Variants in CNTNAP5 observed in about 807,000 individuals in gnomAD.
CNTNAP5 encodes contactin associated protein family member 5, also known as contactin-associated protein-like 5.
A neutral mutation model predicts 150.2 loss-of-function variants in CNTNAP5; 72 were observed. That is an observed-to-expected ratio of 0.48 (90% CI 0.40 to 0.58). The LOEUF (loss-of-function observed/expected upper bound fraction) is 0.58, where lower values mean the gene tolerates loss of function less well. Ranked by LOEUF, CNTNAP5 falls within the 20% of genes least tolerant of loss-of-function variation. CNTNAP5 has a pLI of 0.00. For synonymous variants in CNTNAP5, 672 were observed against 619.8 expected (o/e 1.08, Z -1.25); for missense variants, 1,636 against 1,626.2 (o/e 1.01, Z -0.10).
At chr2:124,859,090 G>C (rs1050523929) in intron 19 of CNTNAP5, among the ~76,000 whole-genome samples, 3 of 151,946 alleles carry the variant, frequency 2.0e-5, no homozygotes, top group Admixed American at 2.0e-4. Context: ...CTTCTGCACA[G>C]CAAAAGAAAC....
Position 124,917,118 on chromosome 2 carries a change from T to A in CNTNAP5, c.*2830T>A, listed in dbSNP as rs77178804. On this transcript the variant is annotated 3_prime_UTR_variant, in exon 24 of 24. Coordinates refer to ENST00000682447, the MANE Select transcript of CNTNAP5 (RefSeq NM_001367498.1). ...AAGCATCTTAATCTCTCTTTAACCATTTTTTTTTTCTTTTTCCTACCACAT... is the reference window on the plus strand; with the variant it reads ...AAGCATCTTAATCTCTCTTTAACCAATTTTTTTTTCTTTTTCCTACCACAT... 5.3e-5 allele frequency among the ~76,000 whole-genome samples: 8 copies of A among 149,694 alleles called. No individual in the cohort carries two copies. The highest frequency in any genetic ancestry group is 2.0e-4 in the African/African-American group (8 of 41,022).
intron 19 of CNTNAP5, among the ~76,000 whole-genome samples, chr2:124,811,950 A>T (rs1396850626): frequency 1.1e-5 from 1 of 94,550 alleles, no homozygotes; most frequent in East Asian, 2.3e-4. Context: ...CTCAAAAAAT[A>T]TATATATATA....
intron 6 of CNTNAP5, among the ~76,000 whole-genome samples, chr2:124,460,587 G>T (rs1445527264): frequency 6.6e-6 from 1 of 151,966 alleles, no homozygotes; most frequent in African/African-American, 2.4e-5. Context: ...ATAGCATTTT[G>T]CCTGACATAT....
At chr2:124,496,875 G>T (rs923292391) in intron 7 of CNTNAP5, among the ~76,000 whole-genome samples, 2 of 152,206 alleles carry the variant, frequency 1.3e-5, no homozygotes, top group Admixed American at 1.3e-4. Flanking sequence ...TTAGTCACCT[G>T]ATTGGATTCA....
intron 19 of CNTNAP5, among the ~76,000 whole-genome samples, chr2:124,804,327 AC>A (rs1246039663): frequency 6.6e-6 from 1 of 152,158 alleles, no homozygotes; most frequent in East Asian, 1.9e-4. Flanking sequence ...GGTGGGCCTG[AC>A]TGGAGAAACA....
chr2:124,599,994 C>A (rs940572914), intron 11 of CNTNAP5, among the ~76,000 whole-genome samples: 6 of 151,762 alleles, frequency 4.0e-5, no homozygotes, highest in Non-Finnish European at 7.4e-5. Flanking sequence ...CAGAGCTTAC[C>A]TTAGATTAGT....
intron 13 of CNTNAP5, among the ~76,000 whole-genome samples, chr2:124,704,254 G>A (rs1679586331): frequency 6.6e-6 from 1 of 152,164 alleles, no homozygotes. Context: ...TGCAAGCACA[G>A]GTGCTCCCCA....
intron 3 of CNTNAP5, among the ~76,000 whole-genome samples, chr2:124,251,623 T>A (rs1687181698): frequency 6.6e-6 from 1 of 152,036 alleles, no homozygotes; most frequent in South Asian, 2.1e-4. Context: ...TTAAGGAGGA[T>A]TCAAGAGTAG....
At chr2:124,384,993 G>T (rs1690892842) in intron 3 of CNTNAP5, among the ~76,000 whole-genome samples, 1 of 152,174 alleles carries the variant, frequency 6.6e-6, no homozygotes, top group Admixed American at 6.5e-5. Flanking sequence ...AGCCTCACTG[G>T]CTTGTGTATT....
intron 12 of CNTNAP5, among the ~76,000 whole-genome samples, chr2:124,615,043 T>G (rs887851385): frequency 3.3e-5 from 5 of 152,012 alleles, no homozygotes; most frequent in African/African-American, 1.2e-4. Flanking sequence ...TGCTAAAAAA[T>G]GCTAACAACC....
chr2:124,266,967 G>A (rs906646047), intron 3 of CNTNAP5, among the ~76,000 whole-genome samples: 1 of 117,258 alleles, frequency 8.5e-6, no homozygotes, highest in East Asian at 4.0e-4. Flanking sequence ...AGATAGATGA[G>A]AGATTTTTTT....
In CNTNAP5 at chr2:124,410,718, G is replaced by A. The variant is rs373667044; in HGVS notation, c.382-6725G>A. Among the ~76,000 whole-genome samples, 18 of 151,738 alleles carry A rather than the reference G, an allele frequency of 1.2e-4. No individual in the cohort carries two copies. In the South Asian group the frequency reaches 1.5e-3, roughly 12 times the overall value. On this transcript the variant is annotated intron_variant, in intron 3 of 23. Coordinates refer to ENST00000682447, the MANE Select transcript of CNTNAP5 (RefSeq NM_001367498.1). The stretch of plus-strand genomic sequence containing the variant: ...CACAACATACCAGAATCTCTGGGAC[G>A]CATTCAGAGCAGTGTGTAGAGGGAA...
intron 19 of CNTNAP5, among the ~76,000 whole-genome samples, chr2:124,805,362 T>A (rs1682060217): frequency 6.6e-6 from 1 of 152,118 alleles, no homozygotes; most frequent in African/African-American, 2.4e-5. Flanking sequence ...GAAACAGAGT[T>A]ATGTGTAGAA....
chr2:124,511,330 A>G (rs1204986464), intron 8 of CNTNAP5, among the ~76,000 whole-genome samples: 2 of 152,158 alleles, frequency 1.3e-5, no homozygotes, highest in Non-Finnish European at 2.9e-5. Context: ...TATTTTTCCG[A>G]TGGGAAAATA....
At chr2:124,784,341 C>T (rs1383082583) in intron 17 of CNTNAP5, among the ~76,000 whole-genome samples, 1 of 152,112 alleles carries the variant, frequency 6.6e-6, no homozygotes, top group East Asian at 1.9e-4. Flanking sequence ...CGTTTGTGCT[C>T]AAGGAGGGTA....
At chr2:124,905,039 A>T in intron 22 of CNTNAP5, among the ~76,000 whole-genome samples, 1 of 123,034 alleles carries the variant, frequency 8.1e-6, no homozygotes, top group Non-Finnish European at 1.7e-5. Context: ...ACTCAATAGC[A>T]AAAAAAAAAA....
intron 10 of CNTNAP5, among the ~76,000 whole-genome samples, chr2:124,559,252 T>TAACC (rs1695831517): frequency 6.6e-6 from 1 of 152,210 alleles, no homozygotes; most frequent in Non-Finnish European, 1.5e-5. Flanking sequence ...TAAAGACTTT[T>TAACC]AACCCTCTGA....
intron 3 of CNTNAP5, among the ~76,000 whole-genome samples, chr2:124,370,678 T>G (rs941608815): frequency 4.6e-5 from 7 of 152,160 alleles, no homozygotes; most frequent in Non-Finnish European, 1.0e-4. Flanking sequence ...CAATTTGATT[T>G]ACCAGATCCA....
chr2:124,579,389 A>G (rs919245226), intron 11 of CNTNAP5, among the ~76,000 whole-genome samples: 4 of 152,240 alleles, frequency 2.6e-5, no homozygotes, highest in African/African-American at 9.6e-5. Flanking sequence ...ACAGAAAAGT[A>G]TCTGTGCAGC....
Sources: allele counts gnomAD v4.1 joint callset (sites outside exome capture counted in the v4.1 genomes callset), GRCh38; gene constraint gnomAD v4.1.1; transcripts MANE v1.5; gene names NCBI Gene and HGNC (gene_info 2026-07-23, HGNC 2026-07-21).